Variants in PCDHGB4 observed in about 807,000 individuals in gnomAD.
PCDHGB4 encodes protocadherin gamma-B4.
A neutral mutation model predicts 60.5 loss-of-function variants in PCDHGB4; 38 were observed. That is an observed-to-expected ratio of 0.63 (90% CI 0.48 to 0.82). The LOEUF is 0.82. Ranked by LOEUF, PCDHGB4 falls within the 40% of genes least tolerant of loss-of-function variation. The probability of loss-of-function intolerance (pLI) is 0.00; values close to 1 mark genes in which losing one functional copy is unlikely to be tolerated. For synonymous variants in PCDHGB4, 456 were observed against 509.7 expected (o/e 0.89, Z 1.42); for missense variants, 1,109 against 1,209.6 (o/e 0.92, Z 1.23).
At chr5:141,430,827 T>A in intron 1 of PCDHGB4, 1 of 1,551,000 alleles carries the variant, frequency 6.4e-7, no homozygotes, top group South Asian at 1.3e-5. Flanking sequence ...CTGGGGACTC[T>A]GTGGGAGACC....
At chr5:141,456,051 C>T (rs1592410743) in intron 1 of PCDHGB4, among the ~76,000 whole-genome samples, 1 of 151,998 alleles carries the variant, frequency 6.6e-6, no homozygotes, top group Non-Finnish European at 1.5e-5. Context: ...GCGCCCACCA[C>T]CACGTCCGGC....
intron 1 of PCDHGB4, chr5:141,392,578 A>G: frequency 2.2e-6 from 1 of 461,792 alleles, no homozygotes; most frequent in Non-Finnish European, 3.8e-6. Context: ...TTAGGACTGT[A>G]AGCGCCGCTG....
intron 1 of PCDHGB4, chr5:141,416,991 T>A (rs1052950610): frequency 2.0e-5 from 3 of 151,906 alleles, no homozygotes; most frequent in Non-Finnish European, 4.4e-5. Context: ...TTATTGTGCA[T>A]TCATCTCAAA....
intron 1 of PCDHGB4, among the ~76,000 whole-genome samples, chr5:141,482,072 C>G (rs1010432509): frequency 1.5e-5 from 2 of 133,436 alleles, no homozygotes; most frequent in African/African-American, 5.9e-5. Flanking sequence ...GCAACAAGAA[C>G]AAAACTCACT....
intron 1 of PCDHGB4, chr5:141,442,107 C>A: frequency 6.0e-6 from 1 of 166,198 alleles, no homozygotes; most frequent in Non-Finnish European, 1.3e-5. Flanking sequence ...CCACCACTAC[C>A]GCCCCTCGTC....
At chr5:141,426,919 C>T (rs1220443930) in intron 1 of PCDHGB4, 1 of 456,620 alleles carries the variant, frequency 2.2e-6, no homozygotes, top group African/African-American at 2.0e-5. Flanking sequence ...GTCCTGGAAG[C>T]AATGGACATG....
At chr5:141,438,629 TATATATACAC>T (rs1412065186) in intron 1 of PCDHGB4, among the ~76,000 whole-genome samples, 590 of 47,950 alleles carry the variant, frequency 0.012, no homozygotes, top group African/African-American at 0.039. Flanking sequence ...TATATATATA[TATATATACAC>T]ACACACACAC....
chr5:141,462,983 T>C (rs530985795), intron 1 of PCDHGB4, among the ~76,000 whole-genome samples: 278 of 152,304 alleles, frequency 1.8e-3, no homozygotes, highest in Non-Finnish European at 3.4e-3. Flanking sequence ...AACTTTTGCC[T>C]TGGGCTAATT....
In PCDHGB4 at chr5:141,428,425, T is replaced by A. The variant is rs1193842204; in HGVS notation, c.2397+38144T>A. ...GGGTTGCTTTCACCCTGGTCTCTGT[T>A]CTAAGACTAGACCAGGGGTTTTTCC... On this transcript the variant is annotated intron_variant, in intron 1 of 3. Transcript: ENST00000519479. 4 of 436,598 alleles carry A rather than the reference T, an allele frequency of 9.2e-6. No homozygotes were observed. In the East Asian group the frequency reaches 1.9e-4, roughly 21 times the overall value. 27.0% of individuals were successfully genotyped at this position (436,598 alleles called of 1,614,324 possible). A position where few individuals can be genotyped will look rare whatever the true frequency, so the allele number is the denominator to read the frequency against.
chr5:141,392,690 G>T, intron 1 of PCDHGB4: 1 of 1,127,490 alleles, frequency 8.9e-7, no homozygotes, highest in Non-Finnish European at 1.2e-6. Flanking sequence ...AGCGAAACCC[G>T]ACCCCTGTTT....
rs70988802 is a variant in PCDHGB4 at position 141,450,006 on chromosome 5, C to CTATTTTTTTT, written c.2398-44800_2398-44799insATTTTTTTTT. ...CACATTGCATTTAGTTGCCATGTCTCTTTTTTTTTTTTTTTTTTGAGACAG... is the reference window on the plus strand; with the variant it reads ...CACATTGCATTTAGTTGCCATGTCTCTATTTTTTTTTTTTTTTTTTTTTTTTTTGAGACAG... On this transcript the variant is annotated intron_variant, in intron 1 of 3. Transcript: ENST00000519479. Among the ~76,000 whole-genome samples the CTATTTTTTTT allele has an allele frequency of 3.0e-5, 4 of 132,980 alleles. 1 individual carries two copies. The highest frequency in any genetic ancestry group is 5.6e-5 in the African/African-American group (2 of 35,572). 87.2% of individuals were successfully genotyped at this position (132,980 alleles called of 152,430 possible). A position where few individuals can be genotyped will look rare whatever the true frequency, so the allele number is the denominator to read the frequency against.
rs2099613082 is a variant in PCDHGB4, at chr5:141,485,421, C to T, written c.2398-9386C>T. ...TTCCGTGTGGATTTGGACAGCGGAG[C>T]CCTGCTCATCAAGAACCCAATCGAC... On this transcript the variant is annotated intron_variant, in intron 1 of 3. Coordinates refer to ENST00000519479, the MANE Select transcript of PCDHGB4 (RefSeq NM_003736.4). The surrounding 1 kb of genome is among the most constrained non-coding windows in gnomAD (Gnocchi z 5.7). The T allele has an allele frequency of 6.2e-7, 1 of 1,614,112 alleles. No individual in the cohort carries two copies. Among genetic ancestry groups the T allele is most frequent in the Non-Finnish European group, 8.5e-7 (1 of 1,180,010 alleles).
chr5:141,394,860 G>A, intron 1 of PCDHGB4: 1 of 1,613,792 alleles, frequency 6.2e-7, no homozygotes, highest in African/African-American at 1.3e-5. Flanking sequence ...GCCTTCGGTC[G>A]ACCCGAACGA....
At chr5:141,406,331 C>A (rs577134835) in intron 1 of PCDHGB4, among the ~76,000 whole-genome samples, 22 of 152,002 alleles carry the variant, frequency 1.4e-4, no homozygotes, top group Non-Finnish European at 2.8e-4. Context: ...CTTACTCCTA[C>A]GATCATTTAT....
Position 141,432,972 on chromosome 5 carries a change from C to T in PCDHGB4, c.2397+42691C>T. 1 of 1,614,218 alleles carries T rather than the reference C, an allele frequency of 6.2e-7. No homozygotes were observed. Among genetic ancestry groups the T allele is most frequent in the African/African-American group, 1.3e-5 (1 of 75,058 alleles). ...GGCGGCTTGACAGGAGCGCCGGCGT[C>T]GCACTTTGTGGGCGTGGACGGGGTG... On this transcript the variant is annotated intron_variant, in intron 1 of 3. Coordinates refer to ENST00000519479, the MANE Select transcript of PCDHGB4 (RefSeq NM_003736.4). This position sits in a 1 kb window ranked among gnomAD's most constrained non-coding sequence, Gnocchi z 6.0.
intron 1 of PCDHGB4, among the ~76,000 whole-genome samples, chr5:141,494,157 G>A (rs929922206): frequency 5.9e-5 from 9 of 152,312 alleles, no homozygotes; most frequent in African/African-American, 1.7e-4. Context: ...TGTCTGGCAC[G>A]GAGTTCTAGG....
intron 1 of PCDHGB4, among the ~76,000 whole-genome samples, chr5:141,456,859 A>C (rs2098893194): frequency 6.6e-6 from 1 of 152,152 alleles, no homozygotes; most frequent in Admixed American, 6.6e-5. Context: ...GCTAATTGGG[A>C]GGCTGAGGCA....
intron 2 of PCDHGB4, among the ~76,000 whole-genome samples, chr5:141,502,865 T>C (rs538731947): frequency 3.0e-5 from 4 of 131,428 alleles, no homozygotes; most frequent in Non-Finnish European, 6.3e-5. Context: ...TGACTCTCTG[T>C]CTTTTTTTTT....
intron 1 of PCDHGB4, chr5:141,419,183 A>G (rs1453963573): frequency 1.9e-6 from 3 of 1,613,958 alleles, no homozygotes; most frequent in Non-Finnish European, 1.7e-6. Context: ...AACCCTGCAC[A>G]TTACTGACGT....
Sources: gnomAD v4.1 joint callset for allele counts (sites outside exome capture counted in the v4.1 genomes callset) on GRCh38, gnomAD v4.1.1 for gene constraint, Gnocchi (gnomAD v3.1) non-coding constraint, MANE v1.5 for transcripts, NCBI Gene and HGNC (gene_info 2026-07-23, HGNC 2026-07-21) for gene names.